The following VWA8 variants were observed in gnomAD, a reference collection of about 807,000 sequenced individuals.
VWA8 encodes the protein von Willebrand factor A domain containing 8.
In VWA8, 221 loss-of-function variants were observed where a neutral mutation model predicts 241.5. The observed-to-expected ratio is 0.91, with a 90% CI of 0.82 to 1.02. The LOEUF (loss-of-function observed/expected upper bound fraction) is 1.02, where lower values mean the gene tolerates loss of function less well. Among genes scored for constraint, VWA8 ranks in the 50% least tolerant of loss-of-function variants. The probability of loss-of-function intolerance (pLI) is 0.00; values close to 1 mark genes in which losing one functional copy is unlikely to be tolerated. For missense variants in VWA8, 2,322 were observed against 2,328.7 expected, an observed-to-expected ratio of 1.00 and a Z score of 0.06; for synonymous variants, 852 against 827.1, an observed-to-expected ratio of 1.03 and a Z score of -0.52.
At position 41,692,956 on chromosome 13, in the gene VWA8, A is replaced by G. The variant is rs180726553; in HGVS notation, c.3581T>C (p.Leu1194Ser). The change falls in exon 30 of 45, where the codon TTG (leucine) becomes TCG (serine). Residue 1194 changes from leucine (L) to serine (S), a missense_variant. Leu to Ser is a moderately radical substitution (Grantham distance 145). Coordinates refer to ENST00000379310, the MANE Select transcript of VWA8 (RefSeq NM_015058.2). ...LHEQQSNVIL[L>S]LDTTGRALHR... ...AAGGGCCCGGCCAGTAGTATCTAAC[A>G]ACAGGATAACATTACTCTGCAAATG... is the stretch of plus-strand genomic sequence containing the variant. 14 of 1,608,580 alleles carry G rather than the reference A, an allele frequency of 8.7e-6. No homozygotes were observed. The African/African-American group carries it at 1.7e-4, about 20-fold the overall frequency.
chr13:41,908,139 A>G (rs1875812041), intron 3 of VWA8, among the ~76,000 whole-genome samples: 1 of 152,206 alleles, frequency 6.6e-6, no homozygotes, highest in African/African-American at 2.4e-5. Flanking sequence ...ACAGTATGTT[A>G]GGTACTTTAC....
chr13:41,776,318 A>G (rs73183377), intron 20 of VWA8, among the ~76,000 whole-genome samples: 2,128 of 152,246 alleles, frequency 0.014, 14 homozygotes, highest in East Asian at 0.02. Flanking sequence ...AAAATTTACA[A>G]AGTACTTTGG....
chr13:41,820,958 G>A (rs35660026), intron 14 of VWA8, among the ~76,000 whole-genome samples: 2,336 of 152,272 alleles, frequency 0.015, 23 homozygotes, highest in Middle Eastern at 0.048. Context: ...GCCTGGTTTG[G>A]CTACCCAAAA....
At position 41,611,634 on chromosome 13, in the gene VWA8, C is replaced by A; in HGVS notation, c.4819G>T (p.Val1607Phe). The part of the protein sequence containing the change: ...YQVSQAEKDA[V>F]PEEVKRAARE... Reference sequence around the variant, plus strand: ...GCAGCTCTCTTGACCTCTTCGGGAACTGCATCTTTCTCAGCCTGAGAGACC... The same window carrying A: ...GCAGCTCTCTTGACCTCTTCGGGAAATGCATCTTTCTCAGCCTGAGAGACC... The change falls in exon 39 of 45, where the codon GTT becomes TTT. Residue 1607 changes from valine to phenylalanine, a missense_variant. Val to Phe is a conservative substitution (Grantham distance 50, BLOSUM62 -1). Coordinates refer to ENST00000379310, the MANE Select transcript of VWA8 (RefSeq NM_015058.2). 4 of 1,614,114 alleles carry A rather than the reference C, an allele frequency of 2.5e-6. No individual in the cohort carries two copies. Among genetic ancestry groups the A allele is most frequent in the Non-Finnish European group, 3.4e-6 (4 of 1,179,978 alleles).
rs1566379037 is a variant in VWA8 at position 41,590,810 on chromosome 13, CAG to C, written c.4987-47_4987-46del. On this transcript the variant is annotated intron_variant, in intron 40 of 44. Coordinates refer to ENST00000379310, the MANE Select transcript of VWA8 (RefSeq NM_015058.2). ...ACACACAAAGCCTTAATTAGTTATGCAGAGTCTCTGACATACTTTGTGCATGA... is the reference window on the plus strand; with the variant it reads ...ACACACAAAGCCTTAATTAGTTATGCAGTCTCTGACATACTTTGTGCATGA... 2.5e-6 allele frequency: 4 copies of C among 1,605,036 alleles called. No homozygotes were observed. In the South Asian group the frequency reaches 3.3e-5, roughly 13 times the overall value.
intron 44 of VWA8, among the ~76,000 whole-genome samples, chr13:41,570,153 G>A (rs2044290972): frequency 1.3e-5 from 2 of 152,104 alleles, no homozygotes; most frequent in African/African-American, 4.8e-5. Context: ...CTGAGCTTAG[G>A]AGCTTGACAT....
intron 28 of VWA8, among the ~76,000 whole-genome samples, chr13:41,700,621 C>T (rs1009973736): frequency 8.5e-5 from 13 of 152,296 alleles, no homozygotes; most frequent in Non-Finnish European, 1.2e-4. Context: ...GCATTAAATG[C>T]AGTTCAGTCT....
intron 37 of VWA8, among the ~76,000 whole-genome samples, chr13:41,616,930 T>G (rs1454494541): frequency 6.6e-6 from 1 of 152,142 alleles, no homozygotes; most frequent in East Asian, 1.9e-4. Flanking sequence ...ACAAAGAACA[T>G]TTCAAAACTG....
chr13:41,925,123 A>G (rs1490652743), intron 2 of VWA8, among the ~76,000 whole-genome samples: 2 of 152,212 alleles, frequency 1.3e-5, no homozygotes, highest in Non-Finnish European at 2.9e-5. Context: ...AAGTACTGAA[A>G]GAAAAAAACT....
intron 37 of VWA8, among the ~76,000 whole-genome samples, chr13:41,650,038 GTTT>G (rs2044859598): frequency 1.3e-5 from 2 of 151,970 alleles, no homozygotes; most frequent in Non-Finnish European, 1.5e-5. Context: ...TACTCAACAA[GTTT>G]TCTAAATTTT....
intron 18 of VWA8, among the ~76,000 whole-genome samples, chr13:41,784,737 C>CATAT (rs772223346): frequency 0.024 from 1,769 of 72,458 alleles, 71 homozygotes; most frequent in Non-Finnish European, 0.03. Flanking sequence ...TATACACACA[C>CATAT]ATATATATAT....
At chr13:41,894,245 A>C (rs1874993876) in intron 4 of VWA8, among the ~76,000 whole-genome samples, 1 of 152,248 alleles carries the variant, frequency 6.6e-6, no homozygotes, top group African/African-American at 2.4e-5. Flanking sequence ...CCTCAGGTGT[A>C]CTGTGGTCTG....
chr13:41,668,023 A>C (rs1034701799), intron 37 of VWA8, among the ~76,000 whole-genome samples: 1 of 152,218 alleles, frequency 6.6e-6, no homozygotes, highest in Non-Finnish European at 1.5e-5. Context: ...CAAAAACAAA[A>C]ACTCAAATCA....
intron 37 of VWA8, among the ~76,000 whole-genome samples, chr13:41,646,225 C>T (rs141123179): frequency 1.1e-3 from 174 of 152,270 alleles, no homozygotes; most frequent in Middle Eastern, 6.8e-3. Context: ...TTCTGCCTAC[C>T]AAAGTGCTGG....
At chr13:41,833,626 C>A (rs1871582371) in intron 12 of VWA8, 95 bp from the exon 13 acceptor site, 1 of 1,302,782 alleles carries the variant, frequency 7.7e-7, no homozygotes, top group Non-Finnish European at 1.0e-6. Flanking sequence ...TCACCTCCGT[C>A]TGAACTTAAC....
At chr13:41,718,258 GAAGTA>G (rs940629865) in intron 26 of VWA8, among the ~76,000 whole-genome samples, 3 of 151,802 alleles carry the variant, frequency 2.0e-5, no homozygotes, top group African/African-American at 7.2e-5. Context: ...TTACAAAAAC[GAAGTA>G]AATAACTTAA....
Position 41,886,827 on chromosome 13 carries a change from G to C in VWA8, c.820C>G (p.Gln274Glu). ...RDIYYLPFKD[Q>E]LKLLYSIGAN... ...CCAATTGAATATAACAACTTAAGTT[G>C]GTCCTAAAGTAATACAGAAACATAT... Residue 274 changes from glutamine to glutamate, a missense_variant, in exon 7 of 45, where the codon CAA becomes GAA. Transcript: ENST00000379310. The C allele has an allele frequency of 6.3e-7, 1 of 1,585,912 alleles. No homozygotes were observed. The highest frequency in any genetic ancestry group is 8.6e-7 in the Non-Finnish European group (1 of 1,168,530).
chr13:41,773,795 G>C (rs1207917004), intron 20 of VWA8, among the ~76,000 whole-genome samples: 1 of 152,172 alleles, frequency 6.6e-6, no homozygotes, highest in Non-Finnish European at 1.5e-5. Flanking sequence ...AGTTATGTAT[G>C]ATTTAATTAG....
chr13:41,891,117 A>G (rs376738873), intron 5 of VWA8, among the ~76,000 whole-genome samples: 7 of 151,944 alleles, frequency 4.6e-5, no homozygotes, highest in African/African-American at 7.3e-5. Context: ...GAAAGGGGGG[A>G]AAAAAGGAGA....
Sources: allele counts gnomAD v4.1 joint callset (sites outside exome capture counted in the v4.1 genomes callset), GRCh38; gene constraint gnomAD v4.1.1; transcripts MANE v1.5; gene names NCBI Gene and HGNC (gene_info 2026-07-23, HGNC 2026-07-21).